CFDP1: variants seen among roughly 807,000 people sequenced by gnomAD.
The protein encoded by CFDP1 is chromatin remodeling protein CFDP1.
In CFDP1, 31 loss-of-function variants were observed where a neutral mutation model predicts 40.1. The observed-to-expected ratio is 0.77, with a 90% confidence interval of 0.58 to 1.04. The LOEUF is 1.04. CFDP1 is among the 50% of genes least tolerant of loss of function. The pLI, the probability that CFDP1 is intolerant of heterozygous loss-of-function variation, is 0.00. For missense variants in CFDP1, 423 were observed against 343.4 expected, an observed-to-expected ratio of 1.23 and a Z score of -1.83; for synonymous variants, 167 against 120.0, an observed-to-expected ratio of 1.39 and a Z score of -2.56.
intron 5 of CFDP1, among the ~76,000 whole-genome samples, chr16:75,363,230 T>A (rs1003544074): frequency 2.0e-5 from 3 of 151,588 alleles, no homozygotes; most frequent in African/African-American, 7.3e-5. Flanking sequence ...AAAGAAATCT[T>A]TGAAATAGTA....
intron 5 of CFDP1, 44 bp downstream of exon 5, chr16:75,395,046 T>C: frequency 6.2e-7 from 1 of 1,610,242 alleles, no homozygotes. Context: ...TGAAAGCTTC[T>C]CCAACGTGCC....
chr16:75,395,077 C>A lies in CFDP1; in HGVS notation c.650+13G>T. The A allele has an allele frequency of 6.2e-7, 1 of 1,613,402 alleles. No individual in the cohort carries two copies. The highest frequency in any genetic ancestry group is 8.5e-7 in the Non-Finnish European group (1 of 1,179,614). On this transcript the variant is annotated intron_variant, in intron 5 of 6. Coordinates refer to ENST00000283882, the MANE Select transcript of CFDP1 (RefSeq NM_006324.3). Reference sequence around the variant, plus strand: ...GTGCCAAGTACATCAGGGAGTGAGACTCAAATACTCACCCTGACCCGGCAG... The same window carrying A: ...GTGCCAAGTACATCAGGGAGTGAGAATCAAATACTCACCCTGACCCGGCAG...
At chr16:75,408,942 C>G (rs994638209) in intron 4 of CFDP1, among the ~76,000 whole-genome samples, 1 of 151,840 alleles carries the variant, frequency 6.6e-6, no homozygotes, top group Non-Finnish European at 1.5e-5. Flanking sequence ...ACTGCAACCT[C>G]TGCCTACTGG....
At chr16:75,399,187 G>T (rs908278425) in intron 4 of CFDP1, among the ~76,000 whole-genome samples, 1 of 151,972 alleles carries the variant, frequency 6.6e-6, no homozygotes, top group African/African-American at 2.4e-5. Context: ...GGAACCAAGA[G>T]AAATTATAAT....
intron 1 of CFDP1, among the ~76,000 whole-genome samples, chr16:75,426,924 G>A (rs1465824123): frequency 2.0e-5 from 3 of 151,346 alleles, no homozygotes; most frequent in African/African-American, 7.3e-5. Context: ...GTGTGGTGGC[G>A]AGTGCTTGTA....
At chr16:75,343,311 T>C (rs902671035) in intron 5 of CFDP1, among the ~76,000 whole-genome samples, 1 of 152,058 alleles carries the variant, frequency 6.6e-6, no homozygotes, top group Admixed American at 6.6e-5. Context: ...CGCACATGCA[T>C]GTTCTCTCTT....
intron 5 of CFDP1, among the ~76,000 whole-genome samples, chr16:75,309,199 A>C (rs1004638028): frequency 6.6e-6 from 1 of 152,088 alleles, no homozygotes; most frequent in African/African-American, 2.4e-5. Flanking sequence ...TCCCACCCTG[A>C]GAGGGGTTTC....
intron 5 of CFDP1, among the ~76,000 whole-genome samples, chr16:75,324,357 A>G (rs1180727615): frequency 6.6e-6 from 1 of 152,186 alleles, no homozygotes. Flanking sequence ...CCTGGTGCAC[A>G]GCAGATCATC....
Position 75,379,659 on chromosome 16 carries a change from A to T in CFDP1, c.650+15431T>A, listed in dbSNP as rs187747015. The stretch of plus-strand genomic sequence containing the variant: ...TATAGAGAACATGAGGAATCTTAGC[A>T]GATATGAAAATGTTCTGTATCTTGA... On this transcript the variant is annotated intron_variant, in intron 5 of 6. Transcript: ENST00000283882. Among the ~76,000 whole-genome samples the T allele has an allele frequency of 3.4e-4, 52 of 152,314 alleles. No individual in the cohort carries two copies. The East Asian group carries it at 4.4e-3, about 13-fold the overall frequency.
chr16:75,392,747 C>A (rs1273388213), intron 5 of CFDP1, among the ~76,000 whole-genome samples: 1 of 152,210 alleles, frequency 6.6e-6, no homozygotes, highest in African/African-American at 2.4e-5. Context: ...ATGTGATGTG[C>A]TCTGATATTT....
At chr16:75,317,099 G>C (rs1028108482) in intron 5 of CFDP1, among the ~76,000 whole-genome samples, 9 of 152,280 alleles carry the variant, frequency 5.9e-5, no homozygotes, top group African/African-American at 2.2e-4. Context: ...GGACAGGCAA[G>C]TGGCGAGGGC....
chr16:75,367,417 T>A (rs1428823022), intron 5 of CFDP1, among the ~76,000 whole-genome samples: 2 of 139,806 alleles, frequency 1.4e-5, no homozygotes, highest in Non-Finnish European at 3.1e-5. Context: ...ATTCTGCACA[T>A]GTACTCCAGA....
At chr16:75,385,897 T>C (rs2078893819) in intron 5 of CFDP1, among the ~76,000 whole-genome samples, 2 of 152,202 alleles carry the variant, frequency 1.3e-5, no homozygotes, top group African/African-American at 4.8e-5. Context: ...CTAAGTAAAC[T>C]GTATGACTAC....
chr16:75,408,041 C>T (rs114324525), intron 4 of CFDP1, among the ~76,000 whole-genome samples: 117 of 148,238 alleles, frequency 7.9e-4, no homozygotes, highest in African/African-American at 2.8e-3. Flanking sequence ...GAGGTTGAGG[C>T]TGTAGTGAGC....
intron 4 of CFDP1, among the ~76,000 whole-genome samples, chr16:75,407,654 C>CAAAAAAAAAAAA (rs11456525): frequency 8.6e-6 from 1 of 116,790 alleles, no homozygotes; most frequent in African/African-American, 3.3e-5. Flanking sequence ...GACCCTGTCT[C>CAAAAAAAAAAAA]AAAAAAAAAA....
chr16:75,353,704 G>A (rs1433108446), intron 5 of CFDP1, among the ~76,000 whole-genome samples: 1 of 129,608 alleles, frequency 7.7e-6, no homozygotes, highest in African/African-American at 2.9e-5. Flanking sequence ...AGCCGAGATC[G>A]TGCCACTGCA....
In CFDP1 at chr16:75,351,859, T is replaced by A. The variant is rs551131284; in HGVS notation, c.650+43231A>T. Reference sequence around the variant, plus strand: ...CCCGTCCCTATTAAAAATACAAAAATTAGCCAGGTGTGGTGGCACACGCCT... The same window carrying A: ...CCCGTCCCTATTAAAAATACAAAAAATAGCCAGGTGTGGTGGCACACGCCT... On this transcript the variant is annotated intron_variant, in intron 5 of 6. Transcript: ENST00000283882. Among the ~76,000 whole-genome samples the A allele has an allele frequency of 3.1e-3, 457 of 149,426 alleles. 2 individuals carry two copies. Among genetic ancestry groups the A allele is most frequent in the African/African-American group, 0.011 (441 of 40,436 alleles).
chr16:75,362,409 C>G (rs888566109), intron 5 of CFDP1, among the ~76,000 whole-genome samples: 1 of 152,200 alleles, frequency 6.6e-6, no homozygotes, highest in Admixed American at 6.5e-5. Context: ...CTCCCGTCTT[C>G]CAGGCAAGGC....
At chr16:75,320,271 C>T (rs546423803) in intron 5 of CFDP1, among the ~76,000 whole-genome samples, 56 of 152,240 alleles carry the variant, frequency 3.7e-4, no homozygotes, top group Admixed American at 3.4e-3. Context: ...TCGGAGCATG[C>T]GCTTTTATGT....
Sources: allele counts gnomAD v4.1 joint callset (sites outside exome capture counted in the v4.1 genomes callset), GRCh38; gene constraint gnomAD v4.1.1; transcripts MANE v1.5; gene names NCBI Gene and HGNC (gene_info 2026-07-23, HGNC 2026-07-21).